The following AKAP19 variants were observed in gnomAD, a reference collection of about 807,000 sequenced individuals.
AKAP19 encodes the protein small A-kinase anchoring protein.
chr2:190,019,852 AT>A, the AKAP19 span, among the ~76,000 whole-genome samples: 3 of 151,860 alleles, frequency 2.0e-5, no homozygotes, highest in Non-Finnish European at 4.4e-5. Context: ...TTCTGATGCC[AT>A]TTTTCACTGG....
chr2:189,941,967 A>G, the AKAP19 span, among the ~76,000 whole-genome samples: 2 of 152,202 alleles, frequency 1.3e-5, no homozygotes, highest in Non-Finnish European at 2.9e-5. Context: ...AAGGGATGGA[A>G]AAAAAGTATT....
chr2:190,067,583 A>C, the AKAP19 span, among the ~76,000 whole-genome samples: 18 of 152,336 alleles, frequency 1.2e-4, no homozygotes, highest in East Asian at 3.3e-3. Context: ...GGCAATCTAG[A>C]GGTCATTTGC....
the AKAP19 span, among the ~76,000 whole-genome samples, chr2:190,034,695 A>AATT: frequency 6.6e-6 from 1 of 151,622 alleles, no homozygotes; most frequent in Non-Finnish European, 1.5e-5. Context: ...AAATACAAAA[A>AATT]ATTAGCCGGG....
At chr2:190,044,555 G>C in the AKAP19 span, among the ~76,000 whole-genome samples, 3 of 152,178 alleles carry the variant, frequency 2.0e-5, no homozygotes, top group Non-Finnish European at 4.4e-5. Context: ...GTTGCCCTGA[G>C]AGGCTCTGTC....
the AKAP19 span, among the ~76,000 whole-genome samples, chr2:190,114,762 A>T: frequency 6.6e-6 from 1 of 152,162 alleles, no homozygotes; most frequent in African/African-American, 2.4e-5. Context: ...AGCTGAAAAG[A>T]AAGTTTTTAA....
chr2:189,993,785 T>C, the AKAP19 span, among the ~76,000 whole-genome samples: 1 of 152,202 alleles, frequency 6.6e-6, no homozygotes, highest in Non-Finnish European at 1.5e-5. Flanking sequence ...ATTTTCCAGT[T>C]TGTGCACATA....
the AKAP19 span, among the ~76,000 whole-genome samples, chr2:190,043,744 C>T: frequency 4.8e-3 from 734 of 152,256 alleles, 16 homozygotes; most frequent in East Asian, 0.042. Flanking sequence ...CTGGTGCAGT[C>T]GTTTGGAGGA....
the AKAP19 span, among the ~76,000 whole-genome samples, chr2:190,052,841 A>T: frequency 3.3e-5 from 5 of 152,308 alleles, no homozygotes; most frequent in Non-Finnish European, 5.9e-5. Flanking sequence ...AGCCCTTCTC[A>T]GGAGACGTTT....
At chr2:190,047,192 C>G in the AKAP19 span, among the ~76,000 whole-genome samples, 1 of 152,134 alleles carries the variant, frequency 6.6e-6, no homozygotes, top group Non-Finnish European at 1.5e-5. Flanking sequence ...ATCTTTCCAG[C>G]CATTCTGAAC....
At chr2:190,048,245 T>C in the AKAP19 span, among the ~76,000 whole-genome samples, 2 of 152,192 alleles carry the variant, frequency 1.3e-5, no homozygotes, top group Non-Finnish European at 1.5e-5. Flanking sequence ...AAGCTCCTTT[T>C]AATTTAGGCC....
chr2:190,004,731 C>T, the AKAP19 span, among the ~76,000 whole-genome samples: 1 of 152,046 alleles, frequency 6.6e-6, no homozygotes, highest in Non-Finnish European at 1.5e-5. Flanking sequence ...AACTAGCAGA[C>T]ACATCATAGG....
the AKAP19 span, among the ~76,000 whole-genome samples, chr2:190,026,426 A>G: frequency 6.6e-6 from 1 of 152,220 alleles, no homozygotes; most frequent in South Asian, 2.1e-4. Flanking sequence ...ACGATGTTAC[A>G]TATTTTAACA....
chr2:189,957,664 G>A, the AKAP19 span, among the ~76,000 whole-genome samples: 5,129 of 152,158 alleles, frequency 0.034, 267 homozygotes, highest in African/African-American at 0.11. Context: ...AGCTTTTCTA[G>A]TTCCTATAGT....
the AKAP19 span, chr2:190,056,610 A>G: frequency 6.6e-6 from 1 of 152,604 alleles, no homozygotes; most frequent in Non-Finnish European, 1.5e-5. Context: ...ATGCACCTGA[A>G]GAAAAGAGAA....
At chr2:190,169,361 T>A in the AKAP19 span, among the ~76,000 whole-genome samples, 1 of 152,130 alleles carries the variant, frequency 6.6e-6, no homozygotes, top group African/African-American at 2.4e-5. Context: ...ATAGCATTCC[T>A]GTATAGTCTT....
At chr2:190,114,502 C>T in the AKAP19 span, among the ~76,000 whole-genome samples, 3 of 152,196 alleles carry the variant, frequency 2.0e-5, no homozygotes, top group Non-Finnish European at 4.4e-5. Context: ...GTTGCCCAGG[C>T]GGGAGTCCAG....
the AKAP19 span, among the ~76,000 whole-genome samples, chr2:189,969,539 G>A: frequency 6.6e-6 from 1 of 151,814 alleles, no homozygotes; most frequent in African/African-American, 2.4e-5. Flanking sequence ...GACTAGCCTG[G>A]CCAAGATGGT....
chr2:190,042,025 G>A, the AKAP19 span, among the ~76,000 whole-genome samples: 2 of 152,062 alleles, frequency 1.3e-5, no homozygotes, highest in African/African-American at 4.8e-5. Context: ...GGTGATGCTG[G>A]CCTCATAGAA....
the AKAP19 span, among the ~76,000 whole-genome samples, chr2:190,171,775 G>A: frequency 6.6e-6 from 1 of 152,106 alleles, no homozygotes; most frequent in Admixed American, 6.5e-5. Flanking sequence ...CTAAGTTTAT[G>A]GGGGGAAAAT....
Sources: allele counts gnomAD v4.1 joint callset (sites outside exome capture counted in the v4.1 genomes callset), GRCh38; gene constraint gnomAD v4.1.1; transcripts MANE v1.5; gene names NCBI Gene and HGNC (gene_info 2026-07-23, HGNC 2026-07-21).